The following LHX4 variants were observed in gnomAD, a reference collection of about 807,000 sequenced individuals.
LHX4 encodes LIM/homeobox protein Lhx4.
LHX4 carries 16 observed loss-of-function variants against 39.2 expected under a neutral mutation model. The observed-to-expected ratio is 0.41, with a 90% CI of 0.28 to 0.62. The LOEUF (loss-of-function observed/expected upper bound fraction) is 0.62. Ranked by LOEUF, LHX4 falls within the 20% of genes least tolerant of loss-of-function variation. The pLI, the probability that LHX4 is intolerant of heterozygous loss-of-function variation, is 0.33. For missense variants in LHX4, 439 were observed against 511.9 expected, an observed-to-expected ratio of 0.86 and a Z score of 1.37; for synonymous variants, 206 against 198.1, an observed-to-expected ratio of 1.04 and a Z score of -0.33.
At position 180,256,632 on chromosome 1, in the gene LHX4, A is replaced by C. The variant is rs530304507; in HGVS notation, c.248+8176A>C. Among the ~76,000 whole-genome samples the C allele has an allele frequency of 9.1e-4, 139 of 152,316 alleles. 1 individual carries two copies. Among genetic ancestry groups the C allele is most frequent in the African/African-American group, 3.2e-3 (132 of 41,570 alleles). ...CAGGTGGGCTAAGAGCATAGGTGACAGGATTTCTGTAGGAGTGGTCTGTGC... is the reference window on the plus strand; with the variant it reads ...CAGGTGGGCTAAGAGCATAGGTGACCGGATTTCTGTAGGAGTGGTCTGTGC... On this transcript the variant is annotated intron_variant, in intron 2 of 5. Transcript: ENST00000263726.
intron 2 of LHX4, among the ~76,000 whole-genome samples, chr1:180,258,425 G>A (rs1241154497): frequency 6.6e-6 from 1 of 152,218 alleles, no homozygotes; most frequent in Non-Finnish European, 1.5e-5. Flanking sequence ...TAGGGAGCCT[G>A]TGGCTTTGAC....
intron 3 of LHX4, among the ~76,000 whole-genome samples, chr1:180,267,887 T>C (rs1037388374): frequency 5.3e-5 from 8 of 152,000 alleles, no homozygotes; most frequent in African/African-American, 1.9e-4. Flanking sequence ...AAGGGCCCTT[T>C]AGGTGAGCCA....
At chr1:180,263,060 T>C (rs1648170069) in intron 2 of LHX4, among the ~76,000 whole-genome samples, 1 of 152,344 alleles carries the variant, frequency 6.6e-6, no homozygotes, top group Non-Finnish European at 1.5e-5. Flanking sequence ...TTGGTGCCCC[T>C]GCATGGGTGC....
At chr1:180,259,627 G>A (rs892321515) in intron 2 of LHX4, among the ~76,000 whole-genome samples, 26 of 151,594 alleles carry the variant, frequency 1.7e-4, no homozygotes, top group South Asian at 4.1e-4. Flanking sequence ...CCCGGCCCCC[G>A]AGGCACCATC....
intron 1 of LHX4, among the ~76,000 whole-genome samples, chr1:180,231,081 T>A (rs1004618874): frequency 6.6e-5 from 10 of 151,870 alleles, no homozygotes; most frequent in Admixed American, 1.3e-4. Flanking sequence ...CCGGCCACAC[T>A]CTTAGTCCCT....
intron 1 of LHX4, among the ~76,000 whole-genome samples, chr1:180,233,107 C>G (rs927384184): frequency 1.3e-5 from 2 of 152,244 alleles, no homozygotes. Context: ...TGATTTAAAT[C>G]CAGCTTATTT....
upstream of LHX4, among the ~76,000 whole-genome samples, chr1:180,229,269 G>C (rs1664099097): frequency 2.0e-5 from 3 of 152,356 alleles, no homozygotes; most frequent in South Asian, 6.2e-4. Context: ...CGGAGAGGCA[G>C]AGCGGGCTCT....
chr1:180,229,728 G>C (rs1022672410), upstream of LHX4, among the ~76,000 whole-genome samples: 1 of 151,820 alleles, frequency 6.6e-6, no homozygotes, highest in Admixed American at 6.5e-5. Flanking sequence ...ACGCAGCCCC[G>C]TCCCCGGCCT....
upstream of LHX4, among the ~76,000 whole-genome samples, chr1:180,229,247 C>G (rs1255615789): frequency 9.9e-5 from 15 of 152,246 alleles, no homozygotes; most frequent in Non-Finnish European, 1.8e-4. Flanking sequence ...TCAAAGCACC[C>G]GCGGTGGCAG....
chr1:180,250,348 T>TGC (rs1553280372), intron 2 of LHX4, among the ~76,000 whole-genome samples: 14 of 63,414 alleles, frequency 2.2e-4, no homozygotes, highest in African/African-American at 3.8e-4. Context: ...TGTGTGTGTG[T>TGC]GCGCGCGTGG....
intron 2 of LHX4, among the ~76,000 whole-genome samples, chr1:180,255,547 G>C (rs976483915): frequency 2.0e-5 from 3 of 152,226 alleles, no homozygotes; most frequent in Admixed American, 2.0e-4. Context: ...TTAAGGTAAC[G>C]ATCAGATGGT....
At chr1:180,273,314 A>C (rs1329025570) in intron 5 of LHX4, 1 of 152,408 alleles carries the variant, frequency 6.6e-6, no homozygotes, top group African/African-American at 2.4e-5. Flanking sequence ...GGCCTTGGGG[A>C]CAGCTCATGG....
At chr1:180,231,990 G>A (rs1664194729) in intron 1 of LHX4, among the ~76,000 whole-genome samples, 1 of 152,172 alleles carries the variant, frequency 6.6e-6, no homozygotes, top group African/African-American at 2.4e-5. Flanking sequence ...GTCAACTGCC[G>A]GCAATCAGTT....
At position 180,275,294 on chromosome 1, in the gene LHX4, T is replaced by C. The variant is rs1648959984; in HGVS notation, c.*715T>C. ...TGCAGGTGACTGAGGCTGAGCTGAG[T>C]AGCCCTGGACCACCGCTGCAGATTG... On this transcript the variant is annotated 3_prime_UTR_variant, in exon 6 of 6. Transcript: ENST00000263726. 6.6e-6 allele frequency: 1 copy of C among 152,172 alleles called. No homozygotes were observed. The highest frequency in any genetic ancestry group is 1.5e-5 in the Non-Finnish European group (1 of 68,048). 9.4% of individuals were successfully genotyped at this position (152,172 alleles called of 1,614,324 possible).
intron 2 of LHX4, among the ~76,000 whole-genome samples, chr1:180,265,532 C>T (rs776964959): frequency 1.4e-4 from 21 of 152,200 alleles, no homozygotes; most frequent in Non-Finnish European, 5.9e-5. Context: ...CCTTCCTTCC[C>T]GGCCTTGGCA....
At position 180,230,549 on chromosome 1, in the gene LHX4, T is replaced by C; in HGVS notation, c.20T>C (p.Val7Ala). 1 of 1,613,864 alleles carries C rather than the reference T, an allele frequency of 6.2e-7. No homozygotes were observed. Among genetic ancestry groups the C allele is most frequent in the Non-Finnish European group, 8.5e-7 (1 of 1,179,974 alleles). The change falls in exon 1 of 6, where the codon GTC becomes GCC. Residue 7 changes from valine (V) to alanine (A), a missense_variant. Physicochemically the swap from Val to Ala is moderately conservative, Grantham distance 64. Transcript: ENST00000263726. The surrounding 1 kb of genome is among the most constrained non-coding windows in gnomAD (Gnocchi z 5.8). MMQSAT[V>A]PAEGAVKGLP... ...TCCGAGATGATGCAGAGTGCGACTG[T>C]CCCCGCGGAAGGGGCTGTCAAGGGG... is the stretch of plus-strand genomic sequence containing the variant.
At chr1:180,252,737 A>G (rs569241584) in intron 2 of LHX4, among the ~76,000 whole-genome samples, 4 of 152,192 alleles carry the variant, frequency 2.6e-5, no homozygotes, top group African/African-American at 4.8e-5. Context: ...TAATATCTCA[A>G]AAGTGGAAGG....
At chr1:180,235,762 C>T (rs1019127311) in intron 1 of LHX4, among the ~76,000 whole-genome samples, 2 of 152,194 alleles carry the variant, frequency 1.3e-5, no homozygotes, top group Non-Finnish European at 2.9e-5. Flanking sequence ...GCACTGTGCG[C>T]CGCCGGGGAA....
At chr1:180,243,686 T>G (rs1647263212) in intron 1 of LHX4, among the ~76,000 whole-genome samples, 1 of 152,106 alleles carries the variant, frequency 6.6e-6, no homozygotes, top group African/African-American at 2.4e-5. Flanking sequence ...GGACAGAGGC[T>G]GCTGCTTCCC....
Sources: gnomAD v4.1 joint callset for allele counts (sites outside exome capture counted in the v4.1 genomes callset) on GRCh38, gnomAD v4.1.1 for gene constraint, Gnocchi (gnomAD v3.1) non-coding constraint, MANE v1.5 for transcripts, NCBI Gene and HGNC (gene_info 2026-07-23, HGNC 2026-07-21) for gene names.